Variants in NUP133 observed in about 807,000 individuals in gnomAD.
NUP133 encodes nuclear pore complex protein Nup133.
In NUP133, 66 loss-of-function variants were observed where a neutral mutation model predicts 146.2. That is an observed-to-expected ratio of 0.45 (90% CI 0.37 to 0.55). The LOEUF (loss-of-function observed/expected upper bound fraction) is 0.55, where lower values mean the gene tolerates loss of function less well. Ranked by LOEUF, NUP133 falls within the 20% of genes least tolerant of loss-of-function variation. The pLI, the probability that NUP133 is intolerant of heterozygous loss-of-function variation, is 0.00. For missense variants in NUP133, 1,277 were observed against 1,374.8 expected (o/e 0.93, Z 1.12); for synonymous variants, 521 against 498.8 (o/e 1.04, Z -0.59).
At chr1:229,476,102 G>A (rs947724173) in intron 13 of NUP133, among the ~76,000 whole-genome samples, 2 of 149,912 alleles carry the variant, frequency 1.3e-5, no homozygotes, top group African/African-American at 2.5e-5. Context: ...AGCGAGACTC[G>A]GTCTCAAAAA....
rs1479167160 is a variant in NUP133, at chr1:229,486,393, G to A, written c.1478C>T (p.Ser493Leu). 3.1e-6 allele frequency: 5 copies of A among 1,590,842 alleles called. No homozygotes were observed. Among genetic ancestry groups the A allele is most frequent in the African/African-American group, 1.4e-5 (1 of 70,260 alleles). Residue 493 changes from serine (S) to leucine (L), a missense_variant, in exon 11 of 26, where the codon TCA becomes TTA. Physicochemically the swap from Ser to Leu is moderately radical, Grantham distance 145. Coordinates refer to ENST00000261396, the MANE Select transcript of NUP133 (RefSeq NM_018230.3). ...AEDLEGSLAS[S>L]VAGPNSESMI... ...TACCTCACTGTTTGGTCCAGCAACT[G>A]AAGATGCTAAAGACCCTTCCAAGTC...
intron 5 of NUP133, 120 bp from the exon 6 acceptor site, chr1:229,498,426 A>G: frequency 1.6e-6 from 1 of 631,866 alleles, no homozygotes; most frequent in East Asian, 3.2e-5. Context: ...AATACAAAAT[A>G]GAACGTTGTT....
At chr1:229,466,908 T>C (rs1401934153) in intron 15 of NUP133, 152 bp from the exon 16 acceptor site, 2 of 661,446 alleles carry the variant, frequency 3.0e-6, no homozygotes, top group African/African-American at 3.6e-5. Flanking sequence ...AATTCAAAAA[T>C]CAAGAAAAGT....
intron 17 of NUP133, 21 bp downstream of exon 17, chr1:229,465,397 CTG>C (rs758593512): frequency 4.6e-6 from 7 of 1,505,648 alleles, no homozygotes; most frequent in Non-Finnish European, 6.5e-6. Flanking sequence ...TTTTGAACAA[CTG>C]TTAATAAATC....
Position 229,506,154 on chromosome 1 carries a change from T to C in NUP133, c.187A>G (p.Thr63Ala). Residue 63 changes from threonine to alanine, a missense_variant, in exon 2 of 26, where the codon ACA (threonine) becomes GCA (alanine). Around this residue, in one of 3 missense-constraint regions of NUP133, gnomAD observed 319 missense variants for 306.9 expected, o/e 1.04. Transcript: ENST00000261396. The part of the protein sequence containing the change: ...GRRSSLSSRG[T>A]PTRMFPHHSI... ...TGGTGTGGGAACATTCGTGTTGGTG[T>C]TCCCCTAAAGAAAAGAGTCTATATT... 1.3e-6 allele frequency: 2 copies of C among 1,592,326 alleles called. No individual in the cohort carries two copies. The highest frequency in any genetic ancestry group is 8.6e-7 in the Non-Finnish European group (1 of 1,161,982).
At chr1:229,500,706 G>C (rs773684974) in intron 4 of NUP133, 50 bp downstream of exon 4, 10 of 1,058,186 alleles carry the variant, frequency 9.5e-6, no homozygotes, top group Non-Finnish European at 1.4e-5. Flanking sequence ...CTAACTTTAG[G>C]ATGTCCTTGT....
intron 21 of NUP133, among the ~76,000 whole-genome samples, chr1:229,454,710 AAAG>A: frequency 6.6e-6 from 1 of 152,230 alleles, no homozygotes; most frequent in East Asian, 1.9e-4. Flanking sequence ...AAGCAGGGAG[AAAG>A]AAGAAACAGG....
At chr1:229,504,147 T>C (rs1327339539) in intron 2 of NUP133, among the ~76,000 whole-genome samples, 1 of 152,182 alleles carries the variant, frequency 6.6e-6, no homozygotes, top group Admixed American at 6.5e-5. Flanking sequence ...TTCAGCATTT[T>C]TTTTTTACTG....
chr1:229,507,033 T>C (rs770765305), intron 1 of NUP133, among the ~76,000 whole-genome samples: 52 of 152,152 alleles, frequency 3.4e-4, no homozygotes, highest in Non-Finnish European at 5.0e-4. Flanking sequence ...AAGATGCACA[T>C]ACAGAAGGGC....
chr1:229,491,261 T>C (rs772298596), intron 8 of NUP133, among the ~76,000 whole-genome samples: 1 of 152,242 alleles, frequency 6.6e-6, no homozygotes, highest in Non-Finnish European at 1.5e-5. Context: ...AACAGTTACT[T>C]TTGGCCCTTT....
chr1:229,458,516 C>T (rs972534440), intron 20 of NUP133, among the ~76,000 whole-genome samples: 3 of 152,090 alleles, frequency 2.0e-5, no homozygotes, highest in African/African-American at 4.8e-5. Flanking sequence ...GAGACATGCA[C>T]AAAACATTTG....
intron 18 of NUP133, 105 bp from the exon 19 acceptor site, chr1:229,463,781 C>T: frequency 8.2e-7 from 1 of 1,219,992 alleles, no homozygotes; most frequent in African/African-American, 1.6e-5. Flanking sequence ...TATAAACCAA[C>T]AATCATTAAT....
Position 229,463,664 on chromosome 1 carries a change from T to C in NUP133, c.2564A>G (p.Gln855Arg), listed in dbSNP as rs1660747278. 5 of 1,606,562 alleles carry C rather than the reference T, an allele frequency of 3.1e-6. No homozygotes were observed. The highest frequency in any genetic ancestry group is 3.4e-6 in the Non-Finnish European group (4 of 1,178,104). Residue 855 changes from glutamine (Q) to arginine (R), a missense_variant, in exon 19 of 26, where the codon CAG becomes CGG. Coordinates refer to ENST00000261396, the MANE Select transcript of NUP133 (RefSeq NM_018230.3). Reference sequence around the variant, plus strand: ...TGCTAGAGAAGCAGCCCACAGGTACTGGCCTAGTGAAACTGTGGGAATGAG... The same window carrying C: ...TGCTAGAGAAGCAGCCCACAGGTACCGGCCTAGTGAAACTGTGGGAATGAG... ...DLLSPLLSLG[Q>R]YLWAASLAEK...
At position 229,470,691 on chromosome 1, in the gene NUP133, G is replaced by A. The variant is rs1462938120; in HGVS notation, c.1965C>T (p.Asn655=). ...EKLSAAIVLK[N]HHSRLSDLVN... is the part of the protein sequence containing the mutation. ...CAAGGTCAGAAAGCCGGGAGTGGTGGTTCTTGAGAACAATGGCGGCTGACA... is the reference window on the plus strand; with the variant it reads ...CAAGGTCAGAAAGCCGGGAGTGGTGATTCTTGAGAACAATGGCGGCTGACA... The change falls in exon 15 of 26, where the codon AAC becomes AAT. Residue 655 remains asparagine (N), a synonymous_variant. Coordinates refer to ENST00000261396, the MANE Select transcript of NUP133 (RefSeq NM_018230.3). 3.1e-6 allele frequency: 5 copies of A among 1,614,062 alleles called. No homozygotes were observed. Among genetic ancestry groups the A allele is most frequent in the Non-Finnish European group, 4.2e-6 (5 of 1,180,026 alleles).
At chr1:229,467,854 G>A (rs1660859040) in intron 15 of NUP133, among the ~76,000 whole-genome samples, 1 of 151,376 alleles carries the variant, frequency 6.6e-6, no homozygotes, top group East Asian at 1.9e-4. Flanking sequence ...GAACCAAGGA[G>A]GCCGAGGCTG....
chr1:229,461,131 G>C (rs1283812921), intron 19 of NUP133, among the ~76,000 whole-genome samples: 1 of 152,166 alleles, frequency 6.6e-6, no homozygotes, highest in Admixed American at 6.5e-5. Context: ...GTAGCCCCAT[G>C]TGGCCAGTGG....
chr1:229,503,127 A>T (rs1661846915), intron 2 of NUP133, among the ~76,000 whole-genome samples: 1 of 151,982 alleles, frequency 6.6e-6, no homozygotes, highest in Non-Finnish European at 1.5e-5. Context: ...AAAATTAGCC[A>T]GGCATGGGGG....
chr1:229,483,951 G>A, intron 12 of NUP133, 103 bp downstream of exon 12: 1 of 722,342 alleles, frequency 1.4e-6, no homozygotes, highest in South Asian at 1.8e-5. Flanking sequence ...CCTCTTGATA[G>A]CATCATTCCT....
intron 18 of NUP133, among the ~76,000 whole-genome samples, chr1:229,463,976 T>A (rs1457384157): frequency 6.6e-6 from 1 of 151,876 alleles, no homozygotes; most frequent in Non-Finnish European, 1.5e-5. Context: ...TGAAACCCCA[T>A]CCCTACCAAA....
Sources: allele counts gnomAD v4.1 joint callset (sites outside exome capture counted in the v4.1 genomes callset), GRCh38; gene constraint gnomAD v4.1.1; regional missense constraint gnomAD v4.1.1; transcripts MANE v1.5; gene names NCBI Gene and HGNC (gene_info 2026-07-23, HGNC 2026-07-21).